MYO18B: variants seen among roughly 807,000 people sequenced by gnomAD.
The protein encoded by MYO18B is myosin XVIIIB, also known as unconventional myosin-XVIIIb.
In MYO18B, 204 loss-of-function variants were observed where a neutral mutation model predicts 273.0. The observed-to-expected ratio is 0.75, with a 90% CI of 0.67 to 0.84. MYO18B has a LOEUF of 0.84. Among genes scored for constraint, MYO18B ranks in the 40% least tolerant of loss-of-function variants. The probability of loss-of-function intolerance (pLI) is 0.00; values close to 1 mark genes in which losing one functional copy is unlikely to be tolerated. For missense variants in MYO18B, 3,212 were observed against 3,287.6 expected, an observed-to-expected ratio of 0.98 and a Z score of 0.56; for synonymous variants, 1,330 against 1,305.7, an observed-to-expected ratio of 1.02 and a Z score of -0.40.
At chr22:25,943,969 G>A (rs756040325) in intron 34 of MYO18B, among the ~76,000 whole-genome samples, 31 of 152,146 alleles carry the variant, frequency 2.0e-4, no homozygotes, top group Non-Finnish European at 4.0e-4. Context: ...TGATCTGCCC[G>A]TCTCAACCTC....
chr22:25,890,736 C>A lies in MYO18B; in HGVS notation c.4315-20C>A. ...CTCCATCGAGTGACCGTTCCTTGAT[C>A]ACCCCATTCCCCATCTCAGATTGCT... is the stretch of plus-strand genomic sequence containing the variant. On this transcript the variant is annotated intron_variant, in intron 25 of 43. Coordinates refer to ENST00000335473, the MANE Select transcript of MYO18B (RefSeq NM_032608.7). The A allele has an allele frequency of 1.2e-6, 2 of 1,613,248 alleles. No individual in the cohort carries two copies. The highest frequency in any genetic ancestry group is 3.3e-4 in the Middle Eastern group (2 of 6,062).
chr22:25,853,826 T>C (rs143227200), intron 21 of MYO18B, among the ~76,000 whole-genome samples: 1 of 151,888 alleles, frequency 6.6e-6, no homozygotes, highest in African/African-American at 2.4e-5. Flanking sequence ...AATTTTTGCT[T>C]CTTCTTATTC....
intron 17 of MYO18B, among the ~76,000 whole-genome samples, chr22:25,836,086 A>G (rs1156868390): frequency 2.6e-5 from 4 of 152,174 alleles, no homozygotes; most frequent in Non-Finnish European, 5.9e-5. Context: ...TTTAGCAGGT[A>G]AAGTCCATAG....
chr22:25,894,347 G>A (rs149452418), intron 27 of MYO18B, among the ~76,000 whole-genome samples: 2 of 152,296 alleles, frequency 1.3e-5, no homozygotes, highest in African/African-American at 4.8e-5. Context: ...GATGATAGAT[G>A]AATAAGTGGG....
At position 25,828,865 on chromosome 22, in the gene MYO18B, G is replaced by A. The variant is rs1438659317; in HGVS notation, c.2876G>A (p.Arg959Gln). The change falls in exon 15 of 44, where the codon CGG becomes CAG. Residue 959 changes from arginine (R) to glutamine (Q), a missense_variant. Transcript: ENST00000335473. Reference protein sequence around the residue: ...FQNPRHQGKDRAATFEELCHN... With the variant: ...FQNPRHQGKDQAATFEELCHN... The stretch of plus-strand genomic sequence containing the variant: ...AACCCCCGGCACCAGGGCAAGGACC[G>A]GGCGGCCACCTTTGAGGAGCTGTGC... The A allele has an allele frequency of 3.7e-6, 6 of 1,613,820 alleles. No individual in the cohort carries two copies. The highest frequency in any genetic ancestry group is 2.7e-5 in the African/African-American group (2 of 74,928).
rs755219230 is a variant in MYO18B, at chr22:26,027,077, C to T, written c.7103C>T (p.Pro2368Leu). 3.3e-5 allele frequency: 54 copies of T among 1,613,862 alleles called. No homozygotes were observed. The highest frequency in any genetic ancestry group is 1.3e-4 in the African/African-American group (10 of 74,926). The stretch of plus-strand genomic sequence containing the variant: ...AGCATGGGGAGAAAACTGAGCTCTC[C>T]GACCACACCCAGGGACATGCTGTTG... ...RPSMGRKLSS[P>L]TTPRDMLLSP... Residue 2368 changes from proline (P) to leucine (L), a missense_variant, in exon 43 of 44, where the codon CCG (proline) becomes CTG (leucine). Physicochemically the swap from Pro to Leu is moderately conservative, Grantham distance 98. Transcript: ENST00000335473. This position sits in a 1 kb window ranked among gnomAD's most constrained non-coding sequence, Gnocchi z 4.1.
At chr22:25,958,848 GC>G (rs894167303) in intron 39 of MYO18B, among the ~76,000 whole-genome samples, 1 of 152,114 alleles carries the variant, frequency 6.6e-6, no homozygotes, top group Non-Finnish European at 1.5e-5. Context: ...AAGATAAGGG[GC>G]AGCTTCTTTG....
chr22:25,925,431 C>T (rs1473061169), intron 34 of MYO18B, among the ~76,000 whole-genome samples: 4 of 152,110 alleles, frequency 2.6e-5, no homozygotes, highest in Non-Finnish European at 5.9e-5. Flanking sequence ...GATCTTATTT[C>T]CCCCTATTTT....
At chr22:25,763,154 A>T in intron 2 of MYO18B, 77 bp from the exon 3 acceptor site, 1 of 1,560,600 alleles carries the variant, frequency 6.4e-7, no homozygotes, top group Non-Finnish European at 8.8e-7. Flanking sequence ...CCCAGGCTCC[A>T]TCACAAACTT....
At chr22:25,852,874 G>A (rs1355468532) in intron 21 of MYO18B, among the ~76,000 whole-genome samples, 1 of 152,204 alleles carries the variant, frequency 6.6e-6, no homozygotes, top group Non-Finnish European at 1.5e-5. Flanking sequence ...GTTTCCTCAT[G>A]TGTAAAGTGG....
At position 25,843,831 on chromosome 22, in the gene MYO18B, T is replaced by C; in HGVS notation, c.3305T>C (p.Leu1102Pro). 6.2e-7 allele frequency: 1 copy of C among 1,613,718 alleles called. No homozygotes were observed. The highest frequency in any genetic ancestry group is 8.5e-7 in the Non-Finnish European group (1 of 1,179,686). ...DPVRYDLTGW[L>P]HRAKPNLSAL... ...GTGCGGTACGACCTCACGGGCTGGC[T>C]CCACAGAGCCAAGCCCAACCTCTCG... The change falls in exon 18 of 44, where the codon CTC becomes CCC. Residue 1102 changes from leucine (L) to proline (P), a missense_variant. Transcript: ENST00000335473.
intron 23 of MYO18B, among the ~76,000 whole-genome samples, chr22:25,875,806 C>T (rs2091175410): frequency 6.6e-6 from 1 of 152,158 alleles, no homozygotes; most frequent in Admixed American, 6.5e-5. Context: ...TATTTGTGGG[C>T]AGTTTTAGAG....
intron 1 of MYO18B, among the ~76,000 whole-genome samples, chr22:25,749,994 G>A (rs1208378161): frequency 6.6e-6 from 1 of 152,174 alleles, no homozygotes; most frequent in Non-Finnish European, 1.5e-5. Context: ...CTTGTGAGCC[G>A]CAAGGGTGGA....
chr22:25,999,541 CTT>C (rs1193626897), intron 40 of MYO18B, among the ~76,000 whole-genome samples: 934 of 39,038 alleles, frequency 0.024, 24 homozygotes, highest in African/African-American at 0.13. Flanking sequence ...TCCTCCCCCT[CTT>C]CCCCCTCCCC....
intron 20 of MYO18B, among the ~76,000 whole-genome samples, chr22:25,848,326 A>G (rs2146028954): frequency 6.6e-6 from 1 of 152,182 alleles, no homozygotes; most frequent in Admixed American, 6.5e-5. Flanking sequence ...TCTCACTGGG[A>G]GTTTGGGGAA....
At chr22:25,768,027 A>T in intron 3 of MYO18B, 88 bp from the exon 4 acceptor site, 1 of 1,204,914 alleles carries the variant, frequency 8.3e-7, no homozygotes, top group East Asian at 2.4e-5. Context: ...AGAAGTGAAC[A>T]ATGAAATGAA....
intron 39 of MYO18B, among the ~76,000 whole-genome samples, chr22:25,977,485 A>G (rs2093103719): frequency 6.6e-6 from 1 of 152,158 alleles, no homozygotes; most frequent in African/African-American, 2.4e-5. Flanking sequence ...ATTCTTGGGC[A>G]TGGTGAATTG....
chr22:25,897,219 T>G (rs1432430710), intron 28 of MYO18B: 1 of 152,228 alleles, frequency 6.6e-6, no homozygotes, highest in African/African-American at 2.4e-5. Context: ...TCTCTCCCAT[T>G]CGATATCGGA....
chr22:25,836,697 A>G (rs1048525583), intron 17 of MYO18B, among the ~76,000 whole-genome samples: 24 of 152,242 alleles, frequency 1.6e-4, no homozygotes, highest in African/African-American at 5.5e-4. Flanking sequence ...GCAGTGGCTC[A>G]CGCCTGTAAT....
Sources: allele counts gnomAD v4.1 joint callset (sites outside exome capture counted in the v4.1 genomes callset), GRCh38; gene constraint gnomAD v4.1.1; non-coding constraint Gnocchi (gnomAD v3.1); transcripts MANE v1.5; gene names NCBI Gene and HGNC (gene_info 2026-07-23, HGNC 2026-07-21).